The following NUBPL variants were observed in gnomAD, a reference collection of about 807,000 sequenced individuals.
The protein encoded by NUBPL is iron-sulfur cluster transfer protein NUBPL.
Under a neutral mutation model 45.7 loss-of-function variants are expected in NUBPL, and 31 were observed. The observed-to-expected ratio is 0.68, with a 90% CI of 0.51 to 0.92. The LOEUF is 0.92. Among genes scored for constraint, NUBPL ranks in the 40% least tolerant of loss-of-function variants. The probability of loss-of-function intolerance (pLI) is 0.00; values close to 1 mark genes in which losing one functional copy is unlikely to be tolerated. For missense variants in NUBPL, 401 were observed against 398.7 expected, an observed-to-expected ratio of 1.01 and a Z score of -0.05; for synonymous variants, 144 against 140.9, an observed-to-expected ratio of 1.02 and a Z score of -0.15.
rs189755887 is a variant in NUBPL, at chr14:31,568,603, G to A, written c.291+3555G>A. On this transcript the variant is annotated intron_variant, in intron 3 of 10. Transcript: ENST00000281081. ...TTACCATCACACTCAGGAATGCTACGTTTTCTAGGATTTGACATTTTCAGT... is the reference window on the plus strand; with the variant it reads ...TTACCATCACACTCAGGAATGCTACATTTTCTAGGATTTGACATTTTCAGT... Among the ~76,000 whole-genome samples the A allele has an allele frequency of 2.0e-3, 305 of 152,274 alleles. 3 individuals carry two copies. The South Asian group carries it at 0.028, about 14-fold the overall frequency.
At chr14:31,629,807 A>G (rs1396516664) in intron 4 of NUBPL, among the ~76,000 whole-genome samples, 1 of 152,134 alleles carries the variant, frequency 6.6e-6, no homozygotes, top group Non-Finnish European at 1.5e-5. Flanking sequence ...TTCCCTTCCC[A>G]GACAAATACC....
intron 4 of NUBPL, among the ~76,000 whole-genome samples, chr14:31,633,383 T>G (rs897605505): frequency 2.6e-5 from 4 of 152,234 alleles, no homozygotes; most frequent in Non-Finnish European, 5.9e-5. Flanking sequence ...TTGAGCATTT[T>G]AATAACTGAG....
intron 7 of NUBPL, among the ~76,000 whole-genome samples, chr14:31,821,202 C>T (rs2040012698): frequency 6.6e-6 from 1 of 152,134 alleles, no homozygotes; most frequent in Middle Eastern, 3.4e-3. Context: ...GGGATCACAT[C>T]ACGTTAAAAA....
At chr14:31,655,145 A>C (rs1466097804) in intron 4 of NUBPL, among the ~76,000 whole-genome samples, 1 of 152,208 alleles carries the variant, frequency 6.6e-6, no homozygotes, top group Non-Finnish European at 1.5e-5. Flanking sequence ...CCCTCCAATG[A>C]ATCATGAATG....
chr14:31,835,917 C>G (rs2040274449), intron 8 of NUBPL, among the ~76,000 whole-genome samples: 1 of 152,104 alleles, frequency 6.6e-6, no homozygotes, highest in South Asian at 2.1e-4. Context: ...CTCACTTTTT[C>G]TTAAATCATG....
At chr14:31,807,958 C>G (rs189808434) in intron 7 of NUBPL, among the ~76,000 whole-genome samples, 9,584 of 152,184 alleles carry the variant, frequency 0.063, 411 homozygotes, top group Non-Finnish European at 0.091. Context: ...TTTCTGAGGG[C>G]TCTGTTCTGT....
At chr14:31,812,162 T>A (rs192359058) in intron 7 of NUBPL, among the ~76,000 whole-genome samples, 1 of 152,324 alleles carries the variant, frequency 6.6e-6, no homozygotes, top group East Asian at 1.9e-4. Context: ...GGAGAACCAC[T>A]GCTCTTTTCA....
intron 6 of NUBPL, among the ~76,000 whole-genome samples, chr14:31,699,538 C>T (rs1330726635): frequency 2.0e-5 from 3 of 152,172 alleles, no homozygotes; most frequent in Admixed American, 2.0e-4. Context: ...CTCTGATTCT[C>T]TTGGCTCAGC....
intron 6 of NUBPL, among the ~76,000 whole-genome samples, chr14:31,701,753 A>G (rs2037344942): frequency 1.3e-5 from 2 of 152,308 alleles, no homozygotes; most frequent in Admixed American, 6.5e-5. Context: ...AACTTTGGAC[A>G]CACCATCTTT....
At chr14:31,575,866 C>T (rs1410429391) in intron 3 of NUBPL, among the ~76,000 whole-genome samples, 1 of 152,178 alleles carries the variant, frequency 6.6e-6, no homozygotes, top group East Asian at 1.9e-4. Context: ...AGAGCAGAAA[C>T]CAGGGCAAAA....
At chr14:31,803,884 A>G (rs1297788586) in intron 7 of NUBPL, among the ~76,000 whole-genome samples, 2 of 152,126 alleles carry the variant, frequency 1.3e-5, no homozygotes, top group Non-Finnish European at 1.5e-5. Context: ...ATATAATGCC[A>G]TTTACTAAAT....
chr14:31,700,741 C>T (rs1285728075), intron 6 of NUBPL, among the ~76,000 whole-genome samples: 2 of 152,130 alleles, frequency 1.3e-5, no homozygotes, highest in South Asian at 2.1e-4. Flanking sequence ...GGCCTGCCTG[C>T]ACTGCACTTG....
intron 8 of NUBPL, among the ~76,000 whole-genome samples, chr14:31,840,932 A>C (rs1172299456): frequency 6.6e-6 from 1 of 152,250 alleles, no homozygotes; most frequent in Non-Finnish European, 1.5e-5. Context: ...AAATTTTTAC[A>C]AACAGAATAA....
chr14:31,808,359 CTAGA>C (rs1315754757), intron 7 of NUBPL, among the ~76,000 whole-genome samples: 1 of 152,078 alleles, frequency 6.6e-6, no homozygotes, highest in Non-Finnish European at 1.5e-5. Flanking sequence ...AGTGGGATTC[CTAGA>C]TATTTTATTC....
chr14:31,738,405 A>G (rs1206658296), intron 6 of NUBPL, among the ~76,000 whole-genome samples: 1 of 152,214 alleles, frequency 6.6e-6, no homozygotes, highest in Non-Finnish European at 1.5e-5. Context: ...AAGCTCTGTG[A>G]ACCTAGATCT....
At chr14:31,846,309 A>C in intron 8 of NUBPL, 162 bp from the exon 9 acceptor site, 1 of 653,202 alleles carries the variant, frequency 1.5e-6, no homozygotes, top group Non-Finnish European at 2.8e-6. Flanking sequence ...CTCTCTTACT[A>C]GCTCATGAGT....
intron 3 of NUBPL, among the ~76,000 whole-genome samples, chr14:31,594,325 C>T (rs974751783): frequency 3.9e-5 from 6 of 152,094 alleles, no homozygotes; most frequent in African/African-American, 1.2e-4. Context: ...GACACTGAGG[C>T]GGGAGGATTG....
intron 6 of NUBPL, among the ~76,000 whole-genome samples, chr14:31,742,509 T>C (rs2038307684): frequency 6.6e-6 from 1 of 152,146 alleles, no homozygotes; most frequent in Non-Finnish European, 1.5e-5. Flanking sequence ...GCAAGTACCA[T>C]GAAGGTTCTA....
At chr14:31,774,875 A>G in intron 6 of NUBPL, among the ~76,000 whole-genome samples, 1 of 152,112 alleles carries the variant, frequency 6.6e-6, no homozygotes, top group South Asian at 2.1e-4. Context: ...CCCTCTAATC[A>G]CAACATTGAT....
Sources: gnomAD v4.1 joint callset for allele counts (sites outside exome capture counted in the v4.1 genomes callset) on GRCh38, gnomAD v4.1.1 for gene constraint, MANE v1.5 for transcripts, NCBI Gene and HGNC (gene_info 2026-07-23, HGNC 2026-07-21) for gene names.